Variants in SPON1 observed in about 807,000 individuals in gnomAD.
SPON1 encodes the protein spondin-1.
Under a neutral mutation model 111.7 loss-of-function variants are expected in SPON1, and 52 were observed. The ratio of observed to expected loss-of-function variants is 0.47; its 90% CI spans 0.37 to 0.59. The LOEUF is 0.59. SPON1 is among the 20% of genes least tolerant of loss of function. The probability of loss-of-function intolerance (pLI) is 0.00; values close to 1 mark genes in which losing one functional copy is unlikely to be tolerated. For synonymous variants in SPON1, 410 were observed against 395.8 expected (o/e 1.04, Z -0.43); for missense variants, 957 against 1,068.5 (o/e 0.90, Z 1.46).
chr11:14,259,080 T>C lies in SPON1; in HGVS notation c.1493-200T>C, dbSNP rs1849141803. Among the ~76,000 whole-genome samples, 1 of 152,276 alleles carries C rather than the reference T, an allele frequency of 6.6e-6. No individual in the cohort carries two copies. The highest frequency in any genetic ancestry group is 1.5e-5 in the Non-Finnish European group (1 of 68,046). ...ATTTTCATGAGATAAAGAGTAATTC[T>C]GAGTGTCCCATGCACCTGGAAAAGA... is the stretch of plus-strand genomic sequence containing the variant. On this transcript the variant is annotated intron_variant, in intron 11 of 15. Transcript: ENST00000576479. This position sits in a 1 kb window ranked among gnomAD's most constrained non-coding sequence, Gnocchi z 5.0.
At chr11:14,084,013 T>C (rs1554922319) in intron 5 of SPON1, among the ~76,000 whole-genome samples, 3 of 152,154 alleles carry the variant, frequency 2.0e-5, no homozygotes, top group Non-Finnish European at 2.9e-5. Context: ...AGTACTTCAG[T>C]ATATAGCAGA....
At position 14,214,540 on chromosome 11, in the gene SPON1, C is replaced by T. The variant is rs377353954; in HGVS notation, c.826-28792C>T. Among the ~76,000 whole-genome samples, 4 of 152,176 alleles carry T rather than the reference C, an allele frequency of 2.6e-5. No homozygotes were observed. The East Asian group carries it at 7.7e-4, about 29-fold the overall frequency. ...GGTTTCTCCAACACTTTAAACTATA[C>T]ATTTGATATTCTTAACCAACTTGAT... is the stretch of plus-strand genomic sequence containing the variant. On this transcript the variant is annotated intron_variant, in intron 6 of 15. Transcript: ENST00000576479.
chr11:14,165,638 C>T (rs1235052043), intron 6 of SPON1, among the ~76,000 whole-genome samples: 4 of 152,096 alleles, frequency 2.6e-5, no homozygotes, highest in African/African-American at 9.7e-5. Context: ...ACTTCTAACC[C>T]ACAAAGAATT....
chr11:14,160,934 TATATATATA>T (rs1564919768), intron 6 of SPON1, among the ~76,000 whole-genome samples: 9 of 16,646 alleles, frequency 5.4e-4, no homozygotes, highest in Admixed American at 2.5e-3. Context: ...TTTATATATT[TATATATATA>T]TTTATATATT....
intron 6 of SPON1, among the ~76,000 whole-genome samples, chr11:14,237,404 G>A (rs550171168): frequency 7.2e-5 from 11 of 152,320 alleles, no homozygotes; most frequent in Non-Finnish European, 1.3e-4. Context: ...ACTGCAAAAT[G>A]AGCAACATGG....
At chr11:13,986,737 T>C (rs1848188260) in intron 2 of SPON1, among the ~76,000 whole-genome samples, 1 of 151,686 alleles carries the variant, frequency 6.6e-6, no homozygotes, top group African/African-American at 2.4e-5. Context: ...CGACAGACCC[T>C]GGTATGTGAT....
intron 5 of SPON1, among the ~76,000 whole-genome samples, chr11:14,118,076 G>GA (rs1342246929): frequency 1.8e-4 from 27 of 152,238 alleles, no homozygotes; most frequent in Non-Finnish European, 1.6e-4. Context: ...ATTGAAATCT[G>GA]AAAAAATGAA....
At chr11:14,115,229 CTCTGCTTCTGCCG>C (rs1849258319) in intron 5 of SPON1, among the ~76,000 whole-genome samples, 1 of 152,182 alleles carries the variant, frequency 6.6e-6, no homozygotes, top group Non-Finnish European at 1.5e-5. Context: ...AGAAAAGTAA[CTCTGCTTCTGCCG>C]TCACTCAGTT....
In SPON1 at chr11:14,259,508, G is replaced by GACTC; in HGVS notation, c.1664-25_1664-22dup. 6.4e-7 allele frequency: 1 copy of GACTC among 1,564,782 alleles called. No homozygotes were observed. ...AGTAGGTCGGGGAGGCAGCAGGTGC[G>GACTC]ACTCCAATGCCGCTGGCCTCCCCAG... On this transcript the variant is annotated intron_variant, in intron 12 of 15. Coordinates refer to ENST00000576479, the MANE Select transcript of SPON1 (RefSeq NM_006108.4). This position sits in a 1 kb window ranked among gnomAD's most constrained non-coding sequence, Gnocchi z 5.0.
intron 3 of SPON1, among the ~76,000 whole-genome samples, chr11:14,057,128 A>G (rs1201795929): frequency 1.3e-5 from 2 of 152,192 alleles, no homozygotes; most frequent in Non-Finnish European, 1.5e-5. Flanking sequence ...CTATAATCTC[A>G]AAGTACTTGC....
intron 2 of SPON1, among the ~76,000 whole-genome samples, chr11:14,014,790 T>A (rs1262989827): frequency 1.3e-5 from 2 of 152,256 alleles, no homozygotes; most frequent in Non-Finnish European, 2.9e-5. Flanking sequence ...GATTTGTGAC[T>A]GTGGCCTTTT....
At chr11:14,168,446 C>T (rs1163527338) in intron 6 of SPON1, among the ~76,000 whole-genome samples, 1 of 152,090 alleles carries the variant, frequency 6.6e-6, no homozygotes, top group Non-Finnish European at 1.5e-5. Flanking sequence ...GATAAACATA[C>T]AACACATACA....
chr11:14,226,663 C>G (rs1554938164), intron 6 of SPON1, among the ~76,000 whole-genome samples: 1 of 152,184 alleles, frequency 6.6e-6, no homozygotes, highest in African/African-American at 2.4e-5. Flanking sequence ...TCATTAGACT[C>G]ACTAATCAAA....
Position 13,969,442 on chromosome 11 carries a change from G to A in SPON1, c.238+6300G>A, listed in dbSNP as rs552955340. ...CTGGGGTGTGTATGTGCAAGCTTAT[G>A]TTGTGGCTTGTTTTGTCTCATTCTC... On this transcript the variant is annotated intron_variant, in intron 1 of 15. Coordinates refer to ENST00000576479, the MANE Select transcript of SPON1 (RefSeq NM_006108.4). Among the ~76,000 whole-genome samples, 11 of 152,242 alleles carry A rather than the reference G, an allele frequency of 7.2e-5. No individual in the cohort carries two copies. In the South Asian group the frequency reaches 2.3e-3, roughly 32 times the overall value.
At chr11:14,089,079 C>T (rs1200333625) in intron 5 of SPON1, among the ~76,000 whole-genome samples, 5 of 152,016 alleles carry the variant, frequency 3.3e-5, no homozygotes, top group Admixed American at 3.3e-4. Flanking sequence ...AGAACACGTT[C>T]CTTTACCTCA....
rs782507639 is a variant in SPON1 at position 14,262,862 on chromosome 11, G to A, written c.2147G>A (p.Arg716His). The A allele has an allele frequency of 1.5e-5, 25 of 1,613,728 alleles. No individual in the cohort carries two copies. The highest frequency in any genetic ancestry group is 5.0e-5 in the Admixed American group (3 of 59,982). ...CPETVQRKKC[R>H]IRKCLRNPSI... ...GAGACTGTGCAGCGAAAAAAGTGCC[G>A]CATCCGAAAATGCCTTCGAAATCCA... Residue 716 changes from arginine (R) to histidine (H), a missense_variant, in exon 15 of 16, where the codon CGC (arginine) becomes CAC (histidine). By Grantham distance (29) the Arg-to-His change is conservative. Transcript: ENST00000576479.
At chr11:14,253,144 T>C (rs568852550) in intron 7 of SPON1, among the ~76,000 whole-genome samples, 8 of 152,322 alleles carry the variant, frequency 5.3e-5, no homozygotes, top group Non-Finnish European at 1.2e-4. Context: ...AATCGACGGA[T>C]GCCAAAGCCA....
At chr11:14,075,776 A>G (rs1008133210) in intron 4 of SPON1, among the ~76,000 whole-genome samples, 2 of 152,162 alleles carry the variant, frequency 1.3e-5, no homozygotes, top group Admixed American at 6.5e-5. Flanking sequence ...GGTTCTTTGG[A>G]AAAAAATCAC....
At chr11:14,262,116 C>T (rs1225906908) in intron 14 of SPON1, among the ~76,000 whole-genome samples, 4 of 152,306 alleles carry the variant, frequency 2.6e-5, no homozygotes, top group African/African-American at 9.6e-5. Flanking sequence ...CCATAAAGCA[C>T]CACTTGCTCC....
Sources: allele counts gnomAD v4.1 joint callset (sites outside exome capture counted in the v4.1 genomes callset), GRCh38; gene constraint gnomAD v4.1.1; non-coding constraint Gnocchi (gnomAD v3.1); transcripts MANE v1.5; gene names NCBI Gene and HGNC (gene_info 2026-07-23, HGNC 2026-07-21).